The following PASD1 variants were observed in gnomAD, a reference collection of about 807,000 sequenced individuals.
PASD1 encodes circadian clock protein PASD1.
Under a neutral mutation model 58.8 loss-of-function variants are expected in PASD1, and 13 were observed. That is an observed-to-expected ratio of 0.22 (90% confidence interval 0.14 to 0.35). The LOEUF is 0.35. Among genes scored for constraint, PASD1 ranks in the 10% least tolerant of loss-of-function variants. The probability of loss-of-function intolerance (pLI) is 1.00; values close to 1 mark genes in which losing one functional copy is unlikely to be tolerated. For synonymous variants in PASD1, 236 were observed against 216.7 expected (o/e 1.09, Z -0.78); for missense variants, 734 against 568.3 (o/e 1.29, Z -2.96).
At chrX:151,571,750 A>G (rs881307) in intron 1 of PASD1, among the ~76,000 whole-genome samples, 43,218 of 110,899 alleles carry the variant, frequency 0.39, 6,507 homozygotes, top group African/African-American at 0.44. Context: ...TTCTTTAAGA[A>G]AAAACACTCT....
At chrX:151,617,389 C>A (rs755471094) in intron 4 of PASD1, among the ~76,000 whole-genome samples, 2 of 111,599 alleles carry the variant, frequency 1.8e-5, no homozygotes, top group African/African-American at 6.5e-5. Context: ...CCACTAGTCA[C>A]ATCCAAGAGA....
At chrX:151,654,216 CA>C (rs2014208669) in intron 9 of PASD1, among the ~76,000 whole-genome samples, 1 of 109,497 alleles carries the variant, frequency 9.1e-6, no homozygotes, top group African/African-American at 3.3e-5. Context: ...GCAGTCCTCC[CA>C]CCTCAGCCTC....
rs188678285 is a variant in PASD1, at chrX:151,636,446, C to T, written c.629+10916C>T. Among the ~76,000 whole-genome samples the T allele has an allele frequency of 3.0e-3, 334 of 111,381 alleles. 3 individuals are homozygous for T. Among genetic ancestry groups the T allele is most frequent in the Non-Finnish European group, 5.4e-3 (286 of 53,066 alleles). On this transcript the variant is annotated intron_variant, in intron 8 of 15. Transcript: ENST00000370357. The stretch of plus-strand genomic sequence containing the variant: ...TTGAGAAATTTCTCGCTCTGTCGCC[C>T]AGGCTGAAGTGCAGTGGCGTGATCT...
At chrX:151,626,906 T>G (rs1011429981) in intron 8 of PASD1, among the ~76,000 whole-genome samples, 8 of 111,728 alleles carry the variant, frequency 7.2e-5, no homozygotes, top group Non-Finnish European at 1.3e-4. Context: ...GGGAGAATCT[T>G]CCATTCCCAT....
chrX:151,634,498 T>G (rs2013905972), intron 8 of PASD1, among the ~76,000 whole-genome samples: 2 of 111,464 alleles, frequency 1.8e-5, no homozygotes, highest in Admixed American at 1.9e-4. Flanking sequence ...TTGTAGCTTT[T>G]TTTTTGGTAT....
intron 1 of PASD1, among the ~76,000 whole-genome samples, chrX:151,575,017 A>G (rs908020564): frequency 1.8e-5 from 2 of 111,428 alleles, no homozygotes; most frequent in African/African-American, 6.5e-5. Context: ...CATTGCAGAA[A>G]AAGGAGAATT....
chrX:151,623,198 A>G lies in PASD1; in HGVS notation c.546+134A>G, dbSNP rs746190437. The G allele has an allele frequency of 4.0e-5, 29 of 717,307 alleles. 1 individual carries two copies. The South Asian group carries it at 1.2e-3, about 31-fold the overall frequency. The allele number at this position is 717,307 out of a possible 1,213,427, so 59.1% of individuals were successfully genotyped here. A position where few individuals can be genotyped will look rare whatever the true frequency, so the allele number is the denominator to read the frequency against. On this transcript the variant is annotated intron_variant, in intron 7 of 15. Coordinates refer to ENST00000370357, the MANE Select transcript of PASD1 (RefSeq NM_173493.3). ...AGTGTGTGCAGAGGGTTGTGCTGGG[A>G]TATGTAAATAAGGAAAATCAGCTCC...
At chrX:151,669,715 T>G (rs2124317534) in intron 11 of PASD1, among the ~76,000 whole-genome samples, 1 of 112,015 alleles carries the variant, frequency 8.9e-6, no homozygotes, top group African/African-American at 3.2e-5. Context: ...TTGCTGCAGG[T>G]GATGTGAATT....
At chrX:151,604,619 C>G (rs1300029325) in intron 2 of PASD1, 27 bp from the exon 3 acceptor site, 1 of 1,077,367 alleles carries the variant, frequency 9.3e-7, no homozygotes. Flanking sequence ...TGACACTGTT[C>G]TGTACTTTCT....
chrX:151,583,611 T>C (rs1602909044), intron 1 of PASD1, among the ~76,000 whole-genome samples: 2 of 112,392 alleles, frequency 1.8e-5, no homozygotes, highest in East Asian at 2.8e-4. Flanking sequence ...TACCTGTCTT[T>C]TAGATTTCAC....
intron 1 of PASD1, among the ~76,000 whole-genome samples, chrX:151,564,258 C>T (rs763039395): frequency 3.6e-5 from 4 of 112,589 alleles, no homozygotes; most frequent in African/African-American, 9.7e-5. Flanking sequence ...AGGTCTGGGG[C>T]GCGTCTCCAT....
chrX:151,662,859 G>T (rs2014328595), intron 10 of PASD1, among the ~76,000 whole-genome samples: 1 of 111,924 alleles, frequency 8.9e-6, no homozygotes, highest in Non-Finnish European at 1.9e-5. Flanking sequence ...TTTACCATTT[G>T]GAATTAATTT....
At chrX:151,637,505 A>G (rs1364397660) in intron 8 of PASD1, among the ~76,000 whole-genome samples, 2 of 111,013 alleles carry the variant, frequency 1.8e-5, no homozygotes, top group African/African-American at 6.6e-5. Flanking sequence ...GCCTCCTGGT[A>G]GCCGGAATTA....
intron 8 of PASD1, among the ~76,000 whole-genome samples, chrX:151,641,511 A>G (rs888012421): frequency 1.8e-5 from 2 of 111,675 alleles, no homozygotes; most frequent in African/African-American, 6.5e-5. Context: ...TCAGCTTCAG[A>G]TATATCAGTT....
intron 1 of PASD1, among the ~76,000 whole-genome samples, chrX:151,580,508 CTTTTTTT>C (rs200293926): frequency 1.2e-3 from 83 of 67,159 alleles, no homozygotes; most frequent in African/African-American, 4.1e-3. Flanking sequence ...TTCTTTTTTT[CTTTTTTT>C]TTTTTTTTTT....
At chrX:151,580,051 T>C (rs1028380496) in intron 1 of PASD1, among the ~76,000 whole-genome samples, 2 of 111,972 alleles carry the variant, frequency 1.8e-5, no homozygotes, top group African/African-American at 6.5e-5. Flanking sequence ...CTGCTGTCCA[T>C]AACACCAGAT....
At chrX:151,609,638 T>C (rs2013529014) in intron 3 of PASD1, among the ~76,000 whole-genome samples, 1 of 111,954 alleles carries the variant, frequency 8.9e-6, no homozygotes, top group African/African-American at 3.2e-5. Context: ...TGTGGCAAAA[T>C]TCTCTTTCCT....
chrX:151,671,213 G>C lies in PASD1; in HGVS notation c.1230+17G>C, dbSNP rs754203824. 2 of 1,208,147 alleles carry C rather than the reference G, an allele frequency of 1.7e-6. No homozygotes were observed. The highest frequency in any genetic ancestry group is 5.9e-5 in the East Asian group (2 of 33,791). ...CACCTTCAGGTCAGTCAGGATGCTA[G>C]GTTTCAGGTCAGAGACCAGTTCTAT... On this transcript the variant is annotated intron_variant, in intron 12 of 15. Transcript: ENST00000370357.
rs1207145153 is a variant in PASD1 at position 151,625,617 on chromosome X, A to AT, written c.629+88dup. The AT allele has an allele frequency of 1.1e-5, 8 of 721,047 alleles. No homozygotes were observed. The East Asian group carries it at 2.7e-4, about 24-fold the overall frequency. The allele number at this position is 721,047 out of a possible 1,213,427, so 59.4% of individuals were successfully genotyped here. A position where few individuals can be genotyped will look rare whatever the true frequency, so the allele number is the denominator to read the frequency against. On this transcript the variant is annotated intron_variant, in intron 8 of 15. Transcript: ENST00000370357. The stretch of plus-strand genomic sequence containing the variant: ...AAAACAAGAGAAATAACACCTACAG[A>AT]TATTTTTTTTCCCATCAAAATGAAA...
Sources: gnomAD v4.1 joint callset for allele counts (sites outside exome capture counted in the v4.1 genomes callset) on GRCh38, gnomAD v4.1.1 for gene constraint, MANE v1.5 for transcripts, NCBI Gene and HGNC (gene_info 2026-07-23, HGNC 2026-07-21) for gene names.